Variants in ASAP1 observed in about 807,000 individuals in gnomAD.
The protein encoded by ASAP1 is arf-GAP with SH3 domain, ANK repeat and PH domain-containing protein 1.
In ASAP1, 43 loss-of-function variants were observed where a neutral mutation model predicts 145.2. The observed-to-expected ratio is 0.30, with a 90% CI of 0.23 to 0.38. The LOEUF (loss-of-function observed/expected upper bound fraction) is 0.38. ASAP1 is among the 10% of genes least tolerant of loss of function. ASAP1 has a pLI of 1.00. For missense variants in ASAP1, 1,018 were observed against 1,355.3 expected (o/e 0.75, Z 3.91); for synonymous variants, 546 against 515.5 (o/e 1.06, Z -0.80).
At chr8:130,291,853 C>T (rs940002904) in intron 3 of ASAP1, among the ~76,000 whole-genome samples, 5 of 152,156 alleles carry the variant, frequency 3.3e-5, no homozygotes, top group African/African-American at 9.7e-5. Flanking sequence ...CTCCCTAAAA[C>T]GCCATTTATT....
chr8:130,276,728 A>ACACACACACTCTCTCTCTCTCTCTCTCT (rs548512902), intron 3 of ASAP1, among the ~76,000 whole-genome samples: 1 of 87,272 alleles, frequency 1.1e-5, no homozygotes, highest in Middle Eastern at 7.8e-3. Context: ...ACACACACAC[A>ACACACACACTCTCTCTCTCTCTCTCTCT]CTCTCTCTCT....
chr8:130,378,333 C>A (rs1462933022), intron 2 of ASAP1, among the ~76,000 whole-genome samples: 1 of 152,160 alleles, frequency 6.6e-6, no homozygotes, highest in Non-Finnish European at 1.5e-5. Context: ...TACTGGGACA[C>A]AGAAGAAGGG....
intron 11 of ASAP1, among the ~76,000 whole-genome samples, chr8:130,164,355 C>T (rs146509862): frequency 0.017 from 2,570 of 152,276 alleles, 35 homozygotes; most frequent in East Asian, 0.054. Context: ...GAGGCTGAGG[C>T]GGGCAGATCA....
intron 22 of ASAP1, 26 bp downstream of exon 22, chr8:130,116,652 A>C (rs202034226): frequency 6.2e-7 from 1 of 1,604,582 alleles, no homozygotes. Context: ...ATGTCTAATA[A>C]ATCTCCCACG....
At chr8:130,301,112 G>A (rs910591438) in intron 3 of ASAP1, among the ~76,000 whole-genome samples, 2 of 152,166 alleles carry the variant, frequency 1.3e-5, no homozygotes, top group African/African-American at 2.4e-5. Context: ...TGGGGACCCA[G>A]CATAAGCAGA....
rs1824882303 is a variant in ASAP1, at chr8:130,334,140, C to A, written c.186+23877G>T. ...TCCAGTTTGCTTCTGCTCCTTCTGGCAGCAGCAGAAGGCAGAGGACTCTAG... is the reference window on the plus strand; with the variant it reads ...TCCAGTTTGCTTCTGCTCCTTCTGGAAGCAGCAGAAGGCAGAGGACTCTAG... On this transcript the variant is annotated intron_variant, in intron 3 of 29. Transcript: ENST00000518721. 1.3e-5 allele frequency among the ~76,000 whole-genome samples: 2 copies of A among 152,180 alleles called. 1 individual carries two copies. Among genetic ancestry groups the A allele is most frequent in the South Asian group, 4.1e-4 (2 of 4,824 alleles).
At chr8:130,336,556 T>C (rs187484637) in intron 3 of ASAP1, among the ~76,000 whole-genome samples, 1 of 152,326 alleles carries the variant, frequency 6.6e-6, no homozygotes, top group Admixed American at 6.5e-5. Flanking sequence ...AGTTTTGGTA[T>C]TAGGCACTTT....
At chr8:130,279,923 T>C (rs1366457361) in intron 3 of ASAP1, among the ~76,000 whole-genome samples, 2 of 152,170 alleles carry the variant, frequency 1.3e-5, no homozygotes, top group Non-Finnish European at 2.9e-5. Flanking sequence ...AAAGAGGAGA[T>C]GGGAACTAAC....
intron 5 of ASAP1, among the ~76,000 whole-genome samples, chr8:130,200,632 C>G (rs1815809187): frequency 6.6e-6 from 1 of 152,150 alleles, no homozygotes; most frequent in African/African-American, 2.4e-5. Context: ...GGTGTACACA[C>G]AAACACACAT....
At chr8:130,284,842 TACACACACACACACAC>T (rs34799517) in intron 3 of ASAP1, among the ~76,000 whole-genome samples, 1 of 141,534 alleles carries the variant, frequency 7.1e-6, no homozygotes, top group African/African-American at 2.7e-5. Flanking sequence ...TTTTACACTC[TACACACACACACACAC>T]ACACACACAC....
In ASAP1 at chr8:130,092,131, G is replaced by A; in HGVS notation, c.2414C>T (p.Pro805Leu). 3 of 1,564,580 alleles carry A rather than the reference G, an allele frequency of 1.9e-6. No individual in the cohort carries two copies. The highest frequency in any genetic ancestry group is 2.6e-6 in the Non-Finnish European group (3 of 1,162,126). ...PRNAGKGPTG[P>L]PSTLPLSTQT... ...GGTGCTTAGAGGGAGTGTTGAAGGT[G>A]GGCCAGTTGGACCTAGAAAGGAAAT... The change falls in exon 25 of 30, where the codon CCA becomes CTA. Residue 805 changes from proline to leucine, a missense_variant. By Grantham distance (98) the Pro-to-Leu change is moderately conservative (BLOSUM62 -3). Around this residue, in one of 9 missense-constraint regions of ASAP1, gnomAD observed 353 missense variants for 375.4 expected, o/e 0.94. Coordinates refer to ENST00000518721, the MANE Select transcript of ASAP1 (RefSeq NM_018482.4).
At chr8:130,152,873 A>G (rs2097649510) in intron 12 of ASAP1, 68 bp from the exon 13 acceptor site, 9 of 1,133,972 alleles carry the variant, frequency 7.9e-6, no homozygotes, top group Non-Finnish European at 1.1e-5. Context: ...ACGATACAGT[A>G]TGATACATAA....
chr8:130,181,282 T>C (rs1814340454), intron 7 of ASAP1, among the ~76,000 whole-genome samples: 1 of 152,230 alleles, frequency 6.6e-6, no homozygotes, highest in African/African-American at 2.4e-5. Flanking sequence ...GGGAAACCTC[T>C]TACATTTTTC....
chr8:130,327,543 G>A (rs1213330702), intron 3 of ASAP1, among the ~76,000 whole-genome samples: 2 of 152,160 alleles, frequency 1.3e-5, no homozygotes, highest in Non-Finnish European at 2.9e-5. Context: ...AGACTCTCAG[G>A]TGACTCTACT....
In ASAP1 at chr8:130,214,672, G is replaced by C; in HGVS notation, c.289C>G (p.Gln97Glu). 1 of 1,604,360 alleles carries C rather than the reference G, an allele frequency of 6.2e-7. No individual in the cohort carries two copies. Among genetic ancestry groups the C allele is most frequent in the Non-Finnish European group, 8.5e-7 (1 of 1,176,206 alleles). The change falls in exon 5 of 30, where the codon CAA becomes GAA. Residue 97 changes from glutamine (Q) to glutamate (E), a missense_variant. By Grantham distance (29) the Gln-to-Glu change is conservative. Coordinates refer to ENST00000518721, the MANE Select transcript of ASAP1 (RefSeq NM_018482.4). ...TTACTCCCAAACTTATCAAGAACTTGTGCATAGTTTTCTTCATTTTGTACA... is the reference window on the plus strand; with the variant it reads ...TTACTCCCAAACTTATCAAGAACTTCTGCATAGTTTTCTTCATTTTGTACA... ...DHVQNEENYA[Q>E]VLDKFGSNFL...
intron 11 of ASAP1, 162 bp downstream of exon 11, chr8:130,167,374 G>T: frequency 1.3e-6 from 1 of 775,712 alleles, no homozygotes; most frequent in Non-Finnish European, 2.4e-6. Context: ...CTATAAGCAA[G>T]GAAAAGGAAC....
intron 3 of ASAP1, among the ~76,000 whole-genome samples, chr8:130,277,697 C>T (rs1565163817): frequency 1.3e-5 from 2 of 152,304 alleles, no homozygotes; most frequent in South Asian, 2.1e-4. Context: ...TTAGGAAACA[C>T]CACCAGCAAG....
chr8:130,112,470 C>A, intron 23 of ASAP1, 148 bp from the exon 24 acceptor site: 2 of 619,004 alleles, frequency 3.2e-6, no homozygotes, highest in Non-Finnish European at 5.7e-6. Flanking sequence ...CCTCATGATG[C>A]TGACACAGTA....
intron 1 of ASAP1, among the ~76,000 whole-genome samples, chr8:130,406,591 C>T (rs1829041814): frequency 6.6e-6 from 1 of 151,920 alleles, no homozygotes; most frequent in Non-Finnish European, 1.5e-5. Context: ...AAGCGATTCT[C>T]CTGCCTCAGC....
Sources: gnomAD v4.1 joint callset for allele counts (sites outside exome capture counted in the v4.1 genomes callset) on GRCh38, gnomAD v4.1.1 for gene constraint, gnomAD v4.1.1 regional missense constraint, MANE v1.5 for transcripts, NCBI Gene and HGNC (gene_info 2026-07-23, HGNC 2026-07-21) for gene names.